CAPN2: variants seen among roughly 807,000 people sequenced by gnomAD.
CAPN2 encodes the protein calpain-2 catalytic subunit.
Under a neutral mutation model 102.3 loss-of-function variants are expected in CAPN2, and 92 were observed. That is an observed-to-expected ratio of 0.90 (90% confidence interval 0.76 to 1.07). The LOEUF is 1.07. Among genes scored for constraint, CAPN2 ranks in the 50% least tolerant of loss-of-function variants. The pLI is 0.00. For synonymous variants in CAPN2, 340 were observed against 355.4 expected, an observed-to-expected ratio of 0.96 and a Z score of 0.49; for missense variants, 800 against 909.4, an observed-to-expected ratio of 0.88 and a Z score of 1.55.
At chr1:223,757,823 C>T (rs1661074606) in intron 11 of CAPN2, 1 of 188,368 alleles carries the variant, frequency 5.3e-6, no homozygotes, top group Admixed American at 6.1e-5. Context: ...CGTTACAGCT[C>T]CTCTCTGCAT....
chr1:223,772,274 A>C, intron 20 of CAPN2, 35 bp downstream of exon 20: 1 of 1,587,082 alleles, frequency 6.3e-7, no homozygotes, highest in Non-Finnish European at 8.6e-7. Flanking sequence ...TTCTAAGGGG[A>C]TGGGGGAGGC....
At chr1:223,765,191 C>T (rs1475377326) in intron 15 of CAPN2, among the ~76,000 whole-genome samples, 2 of 152,306 alleles carry the variant, frequency 1.3e-5, no homozygotes, top group South Asian at 4.1e-4. Context: ...GGACATCATT[C>T]CCTCTGACAA....
In CAPN2 at chr1:223,727,001, C is replaced by T. The variant is rs945268190; in HGVS notation, c.307+9170C>T. ...CCCTGAATTGGCTTTTCAGAGGTTC[C>T]TTCTCCTCCCTTCCAAAGCGAAGAC... On this transcript the variant is annotated intron_variant, in intron 2 of 20. Transcript: ENST00000295006. The surrounding 1 kb of genome is among the most constrained non-coding windows in gnomAD (Gnocchi z 4.1). Among the ~76,000 whole-genome samples, 6 of 152,146 alleles carry T rather than the reference C, an allele frequency of 3.9e-5. No homozygotes were observed. Among genetic ancestry groups the T allele is most frequent in the African/African-American group, 1.2e-4 (5 of 41,438 alleles).
rs1479682513 is a variant in CAPN2, at chr1:223,754,206, T to A, written c.1135+1250T>A. ...CAGATGAGGAAGCTGAGCCTCTAAG[T>A]CGCATACCAGGGCCACAGAGCAAGT... On this transcript the variant is annotated intron_variant, in intron 9 of 20. Transcript: ENST00000295006. The surrounding 1 kb of genome is among the most constrained non-coding windows in gnomAD (Gnocchi z 4.7). 6.6e-6 allele frequency among the ~76,000 whole-genome samples: 1 copy of A among 152,198 alleles called. No homozygotes were observed. Among genetic ancestry groups the A allele is most frequent in the African/African-American group, 2.4e-5 (1 of 41,454 alleles).
At chr1:223,715,506 G>T (rs563980684) in intron 1 of CAPN2, among the ~76,000 whole-genome samples, 4 of 152,224 alleles carry the variant, frequency 2.6e-5, no homozygotes, top group Admixed American at 1.3e-4. Flanking sequence ...GCAGGGGAGG[G>T]GAGCAGGTTA....
intron 6 of CAPN2, 33 bp downstream of exon 6, chr1:223,749,155 C>T (rs761080563): frequency 6.3e-7 from 1 of 1,577,620 alleles, no homozygotes. Context: ...AGGGGTCCTG[C>T]TGTCCTGACA....
intron 17 of CAPN2, 132 bp downstream of exon 17, chr1:223,770,041 A>C: frequency 6.2e-6 from 5 of 805,894 alleles, no homozygotes; most frequent in South Asian, 1.6e-5. Flanking sequence ...AATGAAGCTC[A>C]GAGTGAGTAA....
chr1:223,725,904 C>T lies in CAPN2; in HGVS notation c.307+8073C>T, dbSNP rs953280133. Reference sequence around the variant, plus strand: ...GAAATGGGAACAATGACGATGTTTGCGTCCTTTCTTTTTCTTTTCCTACAA... The same window carrying T: ...GAAATGGGAACAATGACGATGTTTGTGTCCTTTCTTTTTCTTTTCCTACAA... On this transcript the variant is annotated intron_variant, in intron 2 of 20. Coordinates refer to ENST00000295006, the MANE Select transcript of CAPN2 (RefSeq NM_001748.5). The surrounding 1 kb of genome is among the most constrained non-coding windows in gnomAD (Gnocchi z 4.1). Among the ~76,000 whole-genome samples the T allele has an allele frequency of 1.3e-5, 2 of 152,168 alleles. No individual in the cohort carries two copies. Among genetic ancestry groups the T allele is most frequent in the African/African-American group, 4.8e-5 (2 of 41,444 alleles).
chr1:223,759,544 C>A lies in CAPN2; in HGVS notation c.1529+63C>A. ...TGTCCCTCCCCACTGGTCTGTTCCT[C>A]GGCCCCTAGAGGGCTCTTTCATCCT... On this transcript the variant is annotated intron_variant, in intron 12 of 20. Coordinates refer to ENST00000295006, the MANE Select transcript of CAPN2 (RefSeq NM_001748.5). The surrounding 1 kb of genome is among the most constrained non-coding windows in gnomAD (Gnocchi z 4.6). 1 of 1,433,412 alleles carries A rather than the reference C, an allele frequency of 7.0e-7. No homozygotes were observed. The allele number at this position is 1,433,412 out of a possible 1,614,324, so 88.8% of individuals were successfully genotyped here.
rs372850116 is a variant in CAPN2 at position 223,770,526 on chromosome 1, G to T, written c.1903+1G>T. On this transcript the variant is annotated splice_donor_variant, in intron 18 of 20. Transcript: ENST00000295006. LOFTEE classifies it high-confidence loss of function. Reference sequence around the variant, plus strand: ...ATGCGGAAGGCATTAGAAGAAGCAGGTAACCCTTTATAACTGCATTTTCGT... The same window carrying T: ...ATGCGGAAGGCATTAGAAGAAGCAGTTAACCCTTTATAACTGCATTTTCGT... 6.2e-7 allele frequency: 1 copy of T among 1,607,550 alleles called. No individual in the cohort carries two copies. The highest frequency in any genetic ancestry group is 1.3e-5 in the African/African-American group (1 of 74,730).
upstream of CAPN2, among the ~76,000 whole-genome samples, chr1:223,709,762 G>A (rs1161691752): frequency 6.6e-6 from 1 of 152,160 alleles, no homozygotes; most frequent in Non-Finnish European, 1.5e-5. Context: ...TTTACATGAC[G>A]TGAAGAGTAC....
At position 223,726,261 on chromosome 1, in the gene CAPN2, CT is replaced by C. The variant is rs1660187307; in HGVS notation, c.307+8432del. 6.6e-6 allele frequency among the ~76,000 whole-genome samples: 1 copy of C among 152,170 alleles called. No homozygotes were observed. The highest frequency in any genetic ancestry group is 1.5e-5 in the Non-Finnish European group (1 of 68,020). ...AGGGCAAGGTTCCACCTCCTCCTCC[CT>C]TCTTCTGTGGGGTCTGTGATGAGAG... On this transcript the variant is annotated intron_variant, in intron 2 of 20. Coordinates refer to ENST00000295006, the MANE Select transcript of CAPN2 (RefSeq NM_001748.5). The surrounding 1 kb of genome is among the most constrained non-coding windows in gnomAD (Gnocchi z 4.4).
chr1:223,774,850 T>C lies in CAPN2; in HGVS notation c.2096T>C (p.Val699Ala), dbSNP rs184347397. The C allele has an allele frequency of 1.6e-4, 261 of 1,613,454 alleles. 1 individual carries two copies. Among genetic ancestry groups the C allele is most frequent in the Middle Eastern group, 8.3e-4 (5 of 6,060 alleles). ...TCCTCACAGTGGCTCTGTTTCTCAG[T>C]ACTTTGAAGTTATAACTAATCTGCC... is the stretch of plus-strand genomic sequence containing the variant. Reference protein sequence around the residue: ...LDLISWLCFSVL With the variant: ...LDLISWLCFSAL Residue 699 changes from valine (V) to alanine (A), a missense_variant, in exon 21 of 21, where the codon GTA becomes GCA. Val to Ala is a moderately conservative substitution (Grantham distance 64). Transcript: ENST00000295006.
chr1:223,704,636 T>C (rs4653500), intron 1 of CAPN2, among the ~76,000 whole-genome samples: 31,403 of 151,986 alleles, frequency 0.21, 3,718 homozygotes, highest in East Asian at 0.39. Flanking sequence ...AAGGGAGCCA[T>C]AGCTGAGGGA....
Position 223,764,121 on chromosome 1 carries a change from A to G in CAPN2, c.1633-29A>G, listed in dbSNP as rs774925095. The G allele has an allele frequency of 3.6e-5, 57 of 1,604,286 alleles. No individual in the cohort carries two copies. In the East Asian group the frequency reaches 1.1e-3, roughly 30 times the overall value. Reference sequence around the variant, plus strand: ...CTCATCCAGCTCCCACGGGGGGCCAATAACTATGCTCTGGTTATGTGTCCA... The same window carrying G: ...CTCATCCAGCTCCCACGGGGGGCCAGTAACTATGCTCTGGTTATGTGTCCA... On this transcript the variant is annotated intron_variant, in intron 14 of 20. Transcript: ENST00000295006.
At chr1:223,750,094 CT>C (rs956277799) in intron 6 of CAPN2, among the ~76,000 whole-genome samples, 1 of 152,158 alleles carries the variant, frequency 6.6e-6, no homozygotes, top group African/African-American at 2.4e-5. Context: ...GTCCAGTGTT[CT>C]TTTTTTAACC....
intron 2 of CAPN2, among the ~76,000 whole-genome samples, chr1:223,742,512 ATATATAT>A (rs1322406952): frequency 6.2e-5 from 7 of 113,352 alleles, no homozygotes; most frequent in African/African-American, 2.3e-4. Flanking sequence ...ATATATATAT[ATATATAT>A]TTTTTTTTTT....
intron 10 of CAPN2, among the ~76,000 whole-genome samples, 175 bp from the exon 11 acceptor site, chr1:223,757,194 G>C (rs1182239081): frequency 6.6e-6 from 1 of 152,208 alleles, no homozygotes; most frequent in Non-Finnish European, 1.5e-5. Flanking sequence ...AACATAAGAG[G>C]ATTTTCTTCA....
Position 223,755,173 on chromosome 1 carries a change from A to C in CAPN2, c.1136-307A>C, listed in dbSNP as rs189820793. Among the ~76,000 whole-genome samples the C allele has an allele frequency of 6.3e-4, 96 of 151,788 alleles. No homozygotes were observed. Among genetic ancestry groups the C allele is most frequent in the Non-Finnish European group, 9.9e-4 (67 of 67,866 alleles). ...CTCCCAACATCGCCTGCCGTCTCTGACCATCTTCTGCCATCCTCTGCCATC... is the reference window on the plus strand; with the variant it reads ...CTCCCAACATCGCCTGCCGTCTCTGCCCATCTTCTGCCATCCTCTGCCATC... On this transcript the variant is annotated intron_variant, in intron 9 of 20. Transcript: ENST00000295006. The surrounding 1 kb of genome is among the most constrained non-coding windows in gnomAD (Gnocchi z 4.1).
Sources: allele counts gnomAD v4.1 joint callset (sites outside exome capture counted in the v4.1 genomes callset), GRCh38; gene constraint gnomAD v4.1.1; non-coding constraint Gnocchi (gnomAD v3.1); transcripts MANE v1.5; gene names NCBI Gene and HGNC (gene_info 2026-07-23, HGNC 2026-07-21).